TRIM38: variants seen among roughly 807,000 people sequenced by gnomAD.
TRIM38 encodes the protein E3 ubiquitin-protein ligase TRIM38.
Under a neutral mutation model 35.8 loss-of-function variants are expected in TRIM38, and 35 were observed. The ratio of observed to expected loss-of-function variants is 0.98; its 90% CI spans 0.75 to 1.30. TRIM38 has a LOEUF of 1.30. TRIM38 is among the 50% of genes most tolerant of loss of function. The pLI is 0.00. For synonymous variants in TRIM38, 198 were observed against 204.7 expected (o/e 0.97, Z 0.28); for missense variants, 545 against 556.9 (o/e 0.98, Z 0.21).
intron 4 of TRIM38, 132 bp from the exon 5 acceptor site, chr6:25,971,737 T>G (rs1019823300): frequency 6.7e-6 from 5 of 749,950 alleles, no homozygotes; most frequent in Non-Finnish European, 1.1e-5. Context: ...TGTTTCTGGC[T>G]TATTTTGCTT....
intron 7 of TRIM38, chr6:25,973,987 C>A: frequency 3.9e-6 from 2 of 512,094 alleles, no homozygotes; most frequent in Non-Finnish European, 2.5e-6. Context: ...TCTGGCCTAA[C>A]CTGAAATGAT....
At chr6:25,972,953 CTT>C in intron 5 of TRIM38, 99 bp from the exon 6 acceptor site, 2 of 1,488,886 alleles carry the variant, frequency 1.3e-6, no homozygotes, top group Non-Finnish European at 1.9e-6. Flanking sequence ...GGGTAACTCT[CTT>C]TACTTCTTCG....
chr6:25,978,735 C>T (rs560834403), intron 7 of TRIM38, among the ~76,000 whole-genome samples: 4 of 152,174 alleles, frequency 2.6e-5, no homozygotes, highest in East Asian at 1.9e-4. Context: ...GGCGCAATCT[C>T]GACTCACTGC....
At chr6:25,975,655 G>C (rs115810) in intron 7 of TRIM38, 713,003 of 976,710 alleles carry the variant, frequency 0.73, 261,904 homozygotes, top group African/African-American at 0.92. Flanking sequence ...TTTCCCACCC[G>C]TCTCCAATCT....
In TRIM38 at chr6:25,985,718, T is replaced by C. The variant is rs1466559544; in HGVS notation, c.*2031T>C. 1.3e-5 allele frequency: 2 copies of C among 152,216 alleles called. No homozygotes were observed. Among genetic ancestry groups the C allele is most frequent in the Non-Finnish European group, 2.9e-5 (2 of 68,036 alleles). 9.4% of individuals were successfully genotyped at this position (152,216 alleles called of 1,614,324 possible). On this transcript the variant is annotated 3_prime_UTR_variant, in exon 8 of 8. Coordinates refer to ENST00000357085, the MANE Select transcript of TRIM38 (RefSeq NM_006355.5). ...TTGTGCAGGATCAGTGAAGATGTAATCTGGATATTCATAAGCTCTTCTCTA... is the reference window on the plus strand; with the variant it reads ...TTGTGCAGGATCAGTGAAGATGTAACCTGGATATTCATAAGCTCTTCTCTA...
rs562624268 is a variant in TRIM38 at position 25,988,279 on chromosome 6, T to C, written c.*4592T>C. 1 of 152,284 alleles carries C rather than the reference T, an allele frequency of 6.6e-6. No individual in the cohort carries two copies. The highest frequency in any genetic ancestry group is 2.1e-4 in the South Asian group (1 of 4,822). The allele number at this position is 152,284 out of a possible 1,614,324, so 9.4% of individuals were successfully genotyped here. The stretch of plus-strand genomic sequence containing the variant: ...CAGTACCTGTTCTGCTGTTGTACAC[T>C]GCTGCTTCAGTAAAAGTTGCTAACA... On this transcript the variant is annotated 3_prime_UTR_variant, in exon 8 of 8. Transcript: ENST00000357085.
chr6:25,989,458 T>A lies in TRIM38; in HGVS notation c.*5771T>A, dbSNP rs1436654297. ...CTCTAAAGCTAAATAAATTACAGTT[T>A]TTCAAATTTTGAATTAATTGATCTT... On this transcript the variant is annotated 3_prime_UTR_variant, in exon 8 of 8. Coordinates refer to ENST00000357085, the MANE Select transcript of TRIM38 (RefSeq NM_006355.5). The A allele has an allele frequency of 6.6e-6, 1 of 152,056 alleles. No individual in the cohort carries two copies. Among genetic ancestry groups the A allele is most frequent in the African/African-American group, 2.4e-5 (1 of 41,426 alleles). The allele number at this position is 152,056 out of a possible 1,614,324, so 9.4% of individuals were successfully genotyped here.
chr6:25,982,032 T>TGTCCGGG (rs1192003582), intron 7 of TRIM38, among the ~76,000 whole-genome samples: 3 of 152,312 alleles, frequency 2.0e-5, no homozygotes, highest in East Asian at 1.9e-4. Context: ...TCTTGGAAGA[T>TGTCCGGG]GTCCGGGGTC....
At chr6:25,978,045 A>G (rs866886228) in intron 7 of TRIM38, among the ~76,000 whole-genome samples, 1 of 152,002 alleles carries the variant, frequency 6.6e-6, no homozygotes, top group South Asian at 2.1e-4. Context: ...ACACACACAC[A>G]TATATATATA....
At chr6:25,979,587 T>C (rs531808018) in intron 7 of TRIM38, among the ~76,000 whole-genome samples, 1 of 152,154 alleles carries the variant, frequency 6.6e-6, no homozygotes, top group South Asian at 2.1e-4. Flanking sequence ...CTTACTTTGA[T>C]AAATCTCATT....
Position 25,966,926 on chromosome 6 carries a change from G to T in TRIM38, c.404G>T (p.Gly135Val). The change falls in exon 3 of 8, where the codon GGC (glycine) becomes GTC (valine). Residue 135 changes from glycine (G) to valine (V), a missense_variant. Physicochemically the swap from Gly to Val is moderately radical, Grantham distance 109. Transcript: ENST00000357085. ...TTALVEDVCQ[G>V]YKEKLQKAVT... ...GCTCTTGTTGAAGACGTATGCCAGG[G>T]CTACAAGGTGAGTGTGTGGGCCCGG... The T allele has an allele frequency of 6.2e-7, 1 of 1,602,286 alleles. No homozygotes were observed. The highest frequency in any genetic ancestry group is 8.5e-7 in the Non-Finnish European group (1 of 1,171,054).
chr6:25,971,243 C>A (rs1760217658), intron 4 of TRIM38, among the ~76,000 whole-genome samples: 1 of 152,212 alleles, frequency 6.6e-6, no homozygotes, highest in Non-Finnish European at 1.5e-5. Context: ...ACCCAGCTTT[C>A]TCCTGTGTCT....
intron 7 of TRIM38, chr6:25,973,983 C>T: frequency 1.8e-6 from 1 of 570,448 alleles, no homozygotes; most frequent in Non-Finnish European, 2.2e-6. Context: ...AAAATCTGGC[C>T]TAACCTGAAA....
chr6:25,980,564 G>T (rs1367679274), intron 7 of TRIM38, among the ~76,000 whole-genome samples: 1 of 152,070 alleles, frequency 6.6e-6, no homozygotes, highest in Non-Finnish European at 1.5e-5. Context: ...GGGATTACAG[G>T]CATGTGCCAC....
At chr6:25,977,022 T>G (rs1760415303) in intron 7 of TRIM38, among the ~76,000 whole-genome samples, 1 of 152,236 alleles carries the variant, frequency 6.6e-6, no homozygotes, top group Non-Finnish European at 1.5e-5. Flanking sequence ...GGTTTAATAA[T>G]TTTTATTGGG....
chr6:25,988,785 T>A lies in TRIM38; in HGVS notation c.*5098T>A, dbSNP rs902024164. On this transcript the variant is annotated 3_prime_UTR_variant, in exon 8 of 8. Coordinates refer to ENST00000357085, the MANE Select transcript of TRIM38 (RefSeq NM_006355.5). ...TAAATAACATTCCATTATTCAGAAG[T>A]ACCACAGTTATCCACTTACCTACTG... is the stretch of plus-strand genomic sequence containing the variant. The A allele has an allele frequency of 2.6e-5, 4 of 152,204 alleles. No homozygotes were observed. The highest frequency in any genetic ancestry group is 3.8e-4 in the East Asian group (2 of 5,198). The allele number at this position is 152,204 out of a possible 1,614,324, so 9.4% of individuals were successfully genotyped here.
chr6:25,966,485 A>G lies in TRIM38; in HGVS notation c.-38A>G, dbSNP rs1760048784. 6.5e-7 allele frequency: 1 copy of G among 1,540,916 alleles called. No individual in the cohort carries two copies. The highest frequency in any genetic ancestry group is 1.4e-5 in the African/African-American group (1 of 72,502). On this transcript the variant is annotated 5_prime_UTR_variant, in exon 3 of 8. Transcript: ENST00000357085. ...GGAAAATTCTGGCTGCTTCATCTCC[A>G]TCTCTAGAGCCAATATTGGAGCTTT...
rs1005163201 is a variant in TRIM38 at position 25,990,786 on chromosome 6, C to T, written c.*7099C>T. 2 of 151,762 alleles carry T rather than the reference C, an allele frequency of 1.3e-5. No individual in the cohort carries two copies. The highest frequency in any genetic ancestry group is 2.1e-4 in the South Asian group (1 of 4,826). 9.4% of individuals were successfully genotyped at this position (151,762 alleles called of 1,614,324 possible). A position where few individuals can be genotyped will look rare whatever the true frequency, so the allele number is the denominator to read the frequency against. On this transcript the variant is annotated 3_prime_UTR_variant, in exon 8 of 8. Coordinates refer to ENST00000357085, the MANE Select transcript of TRIM38 (RefSeq NM_006355.5). ...CAGTTATCCTTGTAACTCCTAATGT[C>T]TATATAAAAGATTTTTATATTTTTT...
At chr6:25,973,617 G>A in intron 7 of TRIM38, 3 of 979,928 alleles carry the variant, frequency 3.1e-6, no homozygotes, top group Non-Finnish European at 3.6e-6. Flanking sequence ...GCATCAACAT[G>A]TACAAAGTGC....
Sources: allele counts gnomAD v4.1 joint callset (sites outside exome capture counted in the v4.1 genomes callset), GRCh38; gene constraint gnomAD v4.1.1; transcripts MANE v1.5; gene names NCBI Gene and HGNC (gene_info 2026-07-23, HGNC 2026-07-21).